The following DACH1 variants were observed in gnomAD, a reference collection of about 807,000 sequenced individuals.
The protein encoded by DACH1 is dachshund family transcription factor 1.
DACH1 carries 12 observed loss-of-function variants against 54.2 expected under a neutral mutation model. The observed-to-expected ratio is 0.22, with a 90% CI of 0.14 to 0.36. The LOEUF is 0.36. DACH1 is among the 10% of genes least tolerant of loss of function. The probability of loss-of-function intolerance (pLI) is 1.00; values close to 1 mark genes in which losing one functional copy is unlikely to be tolerated. For missense variants in DACH1, 805 were observed against 929.8 expected, an observed-to-expected ratio of 0.87 and a Z score of 1.75; for synonymous variants, 386 against 366.2, an observed-to-expected ratio of 1.05 and a Z score of -0.62.
rs534636631 is a variant in DACH1 at position 71,652,667 on chromosome 13, G to T, written c.965-21950C>A. Among the ~76,000 whole-genome samples the T allele has an allele frequency of 3.3e-5, 5 of 152,178 alleles. No homozygotes were observed. The South Asian group carries it at 1.0e-3, about 32-fold the overall frequency. ...AATTCACCGAAGCAGAGTTGATTATGTCTTCCTCCGCCTCACCTTCTAAAT... is the reference window on the plus strand; with the variant it reads ...AATTCACCGAAGCAGAGTTGATTATTTCTTCCTCCGCCTCACCTTCTAAAT... On this transcript the variant is annotated intron_variant, in intron 2 of 10. Coordinates refer to ENST00000613252, the MANE Select transcript of DACH1 (RefSeq NM_080759.6).
At position 71,866,165 on chromosome 13, in the gene DACH1, G is replaced by C; in HGVS notation, c.605C>G (p.Thr202Arg). The stretch of plus-strand genomic sequence containing the variant: ...GCAGATCAGCTCGCAGCCCTCCACC[G>C]TGAAGGAAGCCACTTTGGCCCCCCT... ...DLRGAKVASF[T>R]VEGCELICLP... Residue 202 changes from threonine (T) to arginine (R), a missense_variant, in exon 1 of 11, where the codon ACG becomes AGG. Thr to Arg is a moderately conservative substitution (Grantham distance 71). Around this residue, in one of 3 missense-constraint regions of DACH1, gnomAD observed 305 missense variants for 308.7 expected, o/e 0.99. Transcript: ENST00000613252. 2 of 1,612,846 alleles carry C rather than the reference G, an allele frequency of 1.2e-6. No individual in the cohort carries two copies. The highest frequency in any genetic ancestry group is 8.5e-7 in the Non-Finnish European group (1 of 1,179,430).
chr13:71,689,254 ATG>A (rs1566434314), intron 1 of DACH1, among the ~76,000 whole-genome samples: 1 of 152,180 alleles, frequency 6.6e-6, no homozygotes, highest in Non-Finnish European at 1.5e-5. Context: ...GGATGCCAGA[ATG>A]GGGGGCTTTA....
intron 1 of DACH1, among the ~76,000 whole-genome samples, chr13:71,698,180 C>T (rs1279307362): frequency 1.3e-5 from 2 of 151,452 alleles, no homozygotes; most frequent in Admixed American, 6.6e-5. Context: ...AGCGAGACTC[C>T]GTCTTAAAAA....
At chr13:71,768,079 T>G (rs1885711536) in intron 1 of DACH1, among the ~76,000 whole-genome samples, 1 of 151,964 alleles carries the variant, frequency 6.6e-6, no homozygotes, top group African/African-American at 2.4e-5. Flanking sequence ...TTCAGAATGT[T>G]AAGTATATTC....
At position 71,479,152 on chromosome 13, in the gene DACH1, T is replaced by C; in HGVS notation, c.1870+17A>G. The C allele has an allele frequency of 6.3e-7, 1 of 1,589,880 alleles. No homozygotes were observed. Among genetic ancestry groups the C allele is most frequent in the Non-Finnish European group, 8.5e-7 (1 of 1,170,736 alleles). Reference sequence around the variant, plus strand: ...ATTTTCTGTAAATATTTAACTTATCTGGAAATTTGGAAATACCTCTATTCT... The same window carrying C: ...ATTTTCTGTAAATATTTAACTTATCCGGAAATTTGGAAATACCTCTATTCT... On this transcript the variant is annotated intron_variant, in intron 8 of 10. Coordinates refer to ENST00000613252, the MANE Select transcript of DACH1 (RefSeq NM_080759.6).
chr13:71,584,834 A>G (rs990858135), intron 3 of DACH1, among the ~76,000 whole-genome samples: 2 of 152,110 alleles, frequency 1.3e-5, no homozygotes. Context: ...TAGGGAGGCA[A>G]GACAACAGAA....
intron 2 of DACH1, among the ~76,000 whole-genome samples, chr13:71,653,593 CA>C (rs1878833491): frequency 1.3e-5 from 2 of 152,154 alleles, no homozygotes; most frequent in African/African-American, 4.8e-5. Flanking sequence ...CTTTTCCTTA[CA>C]GTGCTTTTCC....
Position 71,525,869 on chromosome 13 carries a change from G to T in DACH1, c.1570+31155C>A, listed in dbSNP as rs1303833284. Reference sequence around the variant, plus strand: ...GAAATTATGAGATATCACCATCAAGGATAACATTTTTAATGCTCTGCTTCA... The same window carrying T: ...GAAATTATGAGATATCACCATCAAGTATAACATTTTTAATGCTCTGCTTCA... On this transcript the variant is annotated intron_variant, in intron 6 of 10. Transcript: ENST00000613252. Among the ~76,000 whole-genome samples the T allele has an allele frequency of 4.6e-5, 7 of 151,986 alleles. 1 individual carries two copies. Among genetic ancestry groups the T allele is most frequent in the Admixed American group, 1.3e-4 (2 of 15,250 alleles).
intron 3 of DACH1, among the ~76,000 whole-genome samples, chr13:71,615,128 AC>A (rs1875664419): frequency 6.6e-6 from 1 of 152,108 alleles, no homozygotes; most frequent in African/African-American, 2.4e-5. Context: ...TAAAACTTAA[AC>A]TATAAAAGCT....
intron 6 of DACH1, among the ~76,000 whole-genome samples, chr13:71,515,060 C>T (rs1348442660): frequency 6.6e-6 from 1 of 151,810 alleles, no homozygotes; most frequent in Non-Finnish European, 1.5e-5. Context: ...TCACACTTTG[C>T]CTACCTTTCC....
intron 8 of DACH1, among the ~76,000 whole-genome samples, chr13:71,478,752 A>T (rs1034207099): frequency 6.6e-6 from 1 of 152,164 alleles, no homozygotes; most frequent in Admixed American, 6.5e-5. Context: ...TCAGTTGATA[A>T]ATATCTTAGT....
At chr13:71,726,619 C>T (rs1047999394) in intron 1 of DACH1, among the ~76,000 whole-genome samples, 1 of 151,846 alleles carries the variant, frequency 6.6e-6, no homozygotes, top group Non-Finnish European at 1.5e-5. Context: ...GAGTATACAT[C>T]ATTTCAGTTT....
At chr13:71,792,213 A>G (rs557574729) in intron 1 of DACH1, among the ~76,000 whole-genome samples, 1 of 152,312 alleles carries the variant, frequency 6.6e-6, no homozygotes, top group South Asian at 2.1e-4. Flanking sequence ...CTCTGAATAA[A>G]TGACATATTA....
chr13:71,780,487 T>C (rs942750261), intron 1 of DACH1, among the ~76,000 whole-genome samples: 1 of 152,056 alleles, frequency 6.6e-6, no homozygotes, highest in East Asian at 1.9e-4. Context: ...AATAACACGG[T>C]ATGAAACAGA....
chr13:71,708,819 A>G (rs1357535473), intron 1 of DACH1, among the ~76,000 whole-genome samples: 1 of 150,382 alleles, frequency 6.6e-6, no homozygotes, highest in Non-Finnish European at 1.5e-5. Context: ...TACTTTGTCA[A>G]TAAGCTTTCT....
chr13:71,477,163 C>G (rs1877635501), intron 8 of DACH1, among the ~76,000 whole-genome samples: 2 of 124,178 alleles, frequency 1.6e-5, no homozygotes, highest in South Asian at 5.2e-4. Context: ...TTGCCCAGCC[C>G]AGGCTGGAGT....
At chr13:71,608,001 A>G (rs1875005322) in intron 3 of DACH1, among the ~76,000 whole-genome samples, 1 of 151,874 alleles carries the variant, frequency 6.6e-6, no homozygotes, top group African/African-American at 2.4e-5. Context: ...CAATTTCCAT[A>G]TTAATGAGAA....
At chr13:71,710,452 TTGTG>T (rs71681955) in intron 1 of DACH1, among the ~76,000 whole-genome samples, 71,618 of 140,418 alleles carry the variant, frequency 0.51, 19,625 homozygotes, top group Non-Finnish European at 0.65. Flanking sequence ...TATGAGGGTT[TTGTG>T]TGTGTGTGTG....
intron 2 of DACH1, among the ~76,000 whole-genome samples, chr13:71,638,023 T>C (rs970692760): frequency 6.6e-6 from 1 of 152,182 alleles, no homozygotes; most frequent in African/African-American, 2.4e-5. Flanking sequence ...AAAATGCATT[T>C]CCTCAAATTT....
Sources: gnomAD v4.1 joint callset for allele counts (sites outside exome capture counted in the v4.1 genomes callset) on GRCh38, gnomAD v4.1.1 for gene constraint, gnomAD v4.1.1 regional missense constraint, MANE v1.5 for transcripts, NCBI Gene and HGNC (gene_info 2026-07-23, HGNC 2026-07-21) for gene names.